The following POLR3E variants were observed in gnomAD, a reference collection of about 807,000 sequenced individuals.
The protein encoded by POLR3E is DNA-directed RNA polymerase III subunit RPC5.
A neutral mutation model predicts 96.6 loss-of-function variants in POLR3E; 41 were observed. The observed-to-expected ratio is 0.42, with a 90% CI of 0.33 to 0.55. POLR3E has a LOEUF of 0.55. POLR3E is among the 20% of genes least tolerant of loss of function. POLR3E has a pLI of 0.06. For missense variants in POLR3E, 849 were observed against 952.1 expected, an observed-to-expected ratio of 0.89 and a Z score of 1.43; for synonymous variants, 396 against 383.6, an observed-to-expected ratio of 1.03 and a Z score of -0.38.
Position 22,318,359 on chromosome 16 carries a change from G to C in POLR3E, c.866-467G>C, listed in dbSNP as rs545922012. 9.2e-5 allele frequency among the ~76,000 whole-genome samples: 14 copies of C among 152,316 alleles called. No homozygotes were observed. The highest frequency in any genetic ancestry group is 3.1e-4 in the African/African-American group (13 of 41,572). ...TCTGCCTCCCTCGGCCTCCCAAAGTGCTGTGATTACAGGTGTGAGCCAAAG... is the reference window on the plus strand; with the variant it reads ...TCTGCCTCCCTCGGCCTCCCAAAGTCCTGTGATTACAGGTGTGAGCCAAAG... On this transcript the variant is annotated intron_variant, in intron 12 of 20. Coordinates refer to ENST00000299853, the MANE Select transcript of POLR3E (RefSeq NM_018119.4). This position sits in a 1 kb window ranked among gnomAD's most constrained non-coding sequence, Gnocchi z 5.0.
intron 4 of POLR3E, 81 bp from the exon 5 acceptor site, chr16:22,308,843 TG>T: frequency 1.2e-6 from 1 of 849,388 alleles, no homozygotes. Flanking sequence ...GGTTAGGAGG[TG>T]GCCATGGTGG....
At chr16:22,312,261 G>A (rs907907205) in intron 6 of POLR3E, among the ~76,000 whole-genome samples, 1 of 151,918 alleles carries the variant, frequency 6.6e-6, no homozygotes, top group Non-Finnish European at 1.5e-5. Flanking sequence ...TTTGGAGGCC[G>A]AAGTGGGCAG....
chr16:22,309,467 C>T lies in POLR3E; in HGVS notation c.321C>T (p.Thr107=), dbSNP rs1420556595. ...MDKQTFCSSQ[T]TSNTSRYAAA... Reference sequence around the variant, plus strand: ...AGCAGACCTTCTGCTCTTCCCAGACCACCAGTAACACATCCCGTTATGCCG... The same window carrying T: ...AGCAGACCTTCTGCTCTTCCCAGACTACCAGTAACACATCCCGTTATGCCG... Residue 107 remains threonine (T), a synonymous_variant, in exon 6 of 21, where the codon ACC becomes ACT. Coordinates refer to ENST00000299853, the MANE Select transcript of POLR3E (RefSeq NM_018119.4). 2 of 1,613,932 alleles carry T rather than the reference C, an allele frequency of 1.2e-6. No homozygotes were observed. Among genetic ancestry groups the T allele is most frequent in the Middle Eastern group, 1.6e-4 (1 of 6,062 alleles).
intron 10 of POLR3E, 76 bp from the exon 11 acceptor site, chr16:22,316,919 C>A: frequency 6.6e-7 from 1 of 1,506,974 alleles, no homozygotes; most frequent in Non-Finnish European, 9.2e-7. Context: ...TCTCCCCAGA[C>A]CCTCACTTGG....
intron 2 of POLR3E, among the ~76,000 whole-genome samples, chr16:22,303,725 T>TCACCTCCCA (rs2048075567): frequency 6.7e-6 from 1 of 149,054 alleles, no homozygotes; most frequent in Non-Finnish European, 1.5e-5. Flanking sequence ...ACTGCAACCT[T>TCACCTCCCA]CACCTCCCAG....
chr16:22,325,718 G>T, intron 17 of POLR3E, 43 bp from the exon 18 acceptor site: 1 of 1,508,396 alleles, frequency 6.6e-7, no homozygotes, highest in Non-Finnish European at 8.8e-7. Flanking sequence ...TTTGGCTTCA[G>T]ATCCCTGTGC....
Position 22,333,707 on chromosome 16 carries a change from T to G in POLR3E, c.*7T>G. On this transcript the variant is annotated 3_prime_UTR_variant, in exon 21 of 21. Transcript: ENST00000299853. ...AGGGACAGTACAGTCTTGACAATAG[T>G]AGCAAACTACTAACCCAGCAAATCT... is the stretch of plus-strand genomic sequence containing the variant. 6.3e-7 allele frequency: 1 copy of G among 1,594,268 alleles called. No individual in the cohort carries two copies. The highest frequency in any genetic ancestry group is 8.6e-7 in the Non-Finnish European group (1 of 1,161,850).
In POLR3E at chr16:22,318,815, GTCC is replaced by G. The variant is rs750136460; in HGVS notation, c.866-5_866-3del. 3.2e-5 allele frequency: 52 copies of G among 1,611,830 alleles called. No homozygotes were observed. The highest frequency in any genetic ancestry group is 4.2e-5 in the Non-Finnish European group (50 of 1,178,888). Reference sequence around the variant, plus strand: ...CTCTTCCTTGTCTGATGTCTCCTGCGTCCTCCTCAGTGAAGGTCATGCCTTTTG... The same window carrying G: ...CTCTTCCTTGTCTGATGTCTCCTGCGTCCTCAGTGAAGGTCATGCCTTTTG... On this transcript the variant is annotated splice_polypyrimidine_tract_variant and splice_region_variant and intron_variant, in intron 12 of 20. Transcript: ENST00000299853. The surrounding 1 kb of genome is among the most constrained non-coding windows in gnomAD (Gnocchi z 5.0).
At chr16:22,328,730 A>C (rs1444032529) in intron 19 of POLR3E, 143 bp downstream of exon 19, 3 of 687,744 alleles carry the variant, frequency 4.4e-6, no homozygotes, top group Admixed American at 2.1e-5. Context: ...TCCTGCTCCA[A>C]CTCTGTACGC....
chr16:22,308,073 G>A lies in POLR3E; in HGVS notation c.88-75G>A, dbSNP rs1598242816. The A allele has an allele frequency of 1.2e-5, 13 of 1,124,918 alleles. No individual in the cohort carries two copies. In the East Asian group the frequency reaches 3.1e-4, roughly 27 times the overall value. The allele number at this position is 1,124,918 out of a possible 1,614,324, so 69.7% of individuals were successfully genotyped here. The stretch of plus-strand genomic sequence containing the variant: ...GCTTGGGGTGGGCTTGGAGATAGCT[G>A]TTGATTCTTGGCCAGGGCCCAGCTC... On this transcript the variant is annotated intron_variant, in intron 3 of 20. Transcript: ENST00000299853.
At chr16:22,316,493 G>A in intron 9 of POLR3E, 108 bp from the exon 10 acceptor site, 2 of 779,340 alleles carry the variant, frequency 2.6e-6, no homozygotes, top group Non-Finnish European at 4.4e-6. Flanking sequence ...GAGGTTGGAT[G>A]TGGTCCTGTG....
chr16:22,314,270 G>A, intron 8 of POLR3E, 142 bp downstream of exon 8: 1 of 680,312 alleles, frequency 1.5e-6, no homozygotes, highest in Middle Eastern at 3.8e-4. Context: ...TACCTGGAGG[G>A]AACAACCTGA....
rs542823955 is a variant in POLR3E, at chr16:22,322,514, A to G, written c.987-336A>G. ...CGTGCAGGGACCAGTTGTCTTCCAG[A>G]GTCCTGGGCTCCTTGAGGTCCCGGG... On this transcript the variant is annotated intron_variant, in intron 13 of 20. Transcript: ENST00000299853. This position sits in a 1 kb window ranked among gnomAD's most constrained non-coding sequence, Gnocchi z 5.2. Among the ~76,000 whole-genome samples the G allele has an allele frequency of 6.6e-6, 1 of 152,178 alleles. No homozygotes were observed. The highest frequency in any genetic ancestry group is 2.1e-4 in the South Asian group (1 of 4,812).
At chr16:22,317,912 G>A (rs568896312) in intron 12 of POLR3E, among the ~76,000 whole-genome samples, 1 of 151,938 alleles carries the variant, frequency 6.6e-6, no homozygotes, top group Non-Finnish European at 1.5e-5. Context: ...AGAGGACTCT[G>A]AGTGCCAGAA....
chr16:22,324,594 A>C lies in POLR3E; in HGVS notation c.1220A>C (p.Glu407Ala), dbSNP rs2048539444. 6.2e-7 allele frequency: 1 copy of C among 1,613,240 alleles called. No homozygotes were observed. The highest frequency in any genetic ancestry group is 1.7e-5 in the Admixed American group (1 of 59,976). ...GAGTTCATTCTGCCTTATGATGGGG[A>C]GTTCATCAAGAAGCACCCGGATGTG... Reference protein sequence around the residue: ...GWEFILPYDGEFIKKHPDVVQ... With the variant: ...GWEFILPYDGAFIKKHPDVVQ... Residue 407 changes from glutamate (E) to alanine (A), a missense_variant, in exon 16 of 21, where the codon GAG becomes GCG. By Grantham distance (107) the Glu-to-Ala change is moderately radical. Transcript: ENST00000299853.
At chr16:22,327,309 A>T (rs1248077753) in intron 18 of POLR3E, 4 of 152,334 alleles carry the variant, frequency 2.6e-5, no homozygotes, top group Non-Finnish European at 5.9e-5. Flanking sequence ...GCTGGCAGGC[A>T]GCCCCCTGTG....
chr16:22,312,741 C>T (rs1056384729), intron 6 of POLR3E, among the ~76,000 whole-genome samples: 3 of 151,914 alleles, frequency 2.0e-5, no homozygotes, highest in Admixed American at 1.3e-4. Context: ...GTGGCACACA[C>T]CTGTAGTCCC....
In POLR3E at chr16:22,303,004, G is replaced by A. The variant is rs770114475; in HGVS notation, c.36G>A (p.Glu12=). 1 of 1,613,860 alleles carries A rather than the reference G, an allele frequency of 6.2e-7. No homozygotes were observed. Among genetic ancestry groups the A allele is most frequent in the Non-Finnish European group, 8.5e-7 (1 of 1,179,780 alleles). ...AAGAGGATGACCCAGTTGTACAGGA[G>A]GTAACTGCTGCTCTCTGTCCCCTGC... ...ANEEDDPVVQ[E]IDVYLAKSLA... is the part of the protein sequence containing the mutation. Residue 12 remains glutamate, a splice_region_variant and synonymous_variant, in exon 2 of 21, where the codon GAG becomes GAA. Transcript: ENST00000299853.
In POLR3E at chr16:22,317,225, C is replaced by A. The variant is rs1460945718; in HGVS notation, c.865+19C>A. On this transcript the variant is annotated intron_variant, in intron 12 of 20. Coordinates refer to ENST00000299853, the MANE Select transcript of POLR3E (RefSeq NM_018119.4). ...AAGAATGGTGGGTGCCTACCCCCTG[C>A]CCACCCGGGGGCCCCAGTCCCAGTG... The A allele has an allele frequency of 1.3e-6, 2 of 1,590,564 alleles. No individual in the cohort carries two copies. The highest frequency in any genetic ancestry group is 1.7e-6 in the Non-Finnish European group (2 of 1,163,346).
Sources: allele counts gnomAD v4.1 joint callset (sites outside exome capture counted in the v4.1 genomes callset), GRCh38; gene constraint gnomAD v4.1.1; non-coding constraint Gnocchi (gnomAD v3.1); transcripts MANE v1.5; gene names NCBI Gene and HGNC (gene_info 2026-07-23, HGNC 2026-07-21).